Variants in YEATS2 observed in about 807,000 individuals in gnomAD.
YEATS2 encodes YEATS domain containing 2.
In YEATS2, 77 loss-of-function variants were observed where a neutral mutation model predicts 163.2. The observed-to-expected ratio is 0.47, with a 90% confidence interval of 0.39 to 0.57. The LOEUF is 0.57. Among genes scored for constraint, YEATS2 ranks in the 20% least tolerant of loss-of-function variants. YEATS2 has a pLI of 0.00. For synonymous variants in YEATS2, 631 were observed against 645.1 expected (o/e 0.98, Z 0.33); for missense variants, 1,549 against 1,729.8 (o/e 0.90, Z 1.85).
chr3:183,778,956 T>TTA (rs1233427351), intron 19 of YEATS2, among the ~76,000 whole-genome samples: 1 of 152,134 alleles, frequency 6.6e-6, no homozygotes, highest in Non-Finnish European at 1.5e-5. Context: ...TCTTTTCTTT[T>TTA]TATATATATT....
chr3:183,712,994 CT>C (rs1193889814), intron 1 of YEATS2, among the ~76,000 whole-genome samples: 2 of 152,092 alleles, frequency 1.3e-5, no homozygotes, highest in East Asian at 3.9e-4. Flanking sequence ...CCCCTGACCT[CT>C]AATGATCTGC....
At position 183,812,050 on chromosome 3, in the gene YEATS2, A is replaced by G. The variant is rs1178205434; in HGVS notation, c.*1467A>G. The stretch of plus-strand genomic sequence containing the variant: ...GGAGTTCGAGACCAGCCCGACCAAC[A>G]TGGTGAAACCCCGTCTCTACTAAAA... On this transcript the variant is annotated 3_prime_UTR_variant, in exon 31 of 31. Transcript: ENST00000305135. The G allele has an allele frequency of 2.6e-5, 4 of 152,210 alleles. No individual in the cohort carries two copies. Among genetic ancestry groups the G allele is most frequent in the African/African-American group, 4.8e-5 (2 of 41,440 alleles). 9.4% of individuals were successfully genotyped at this position (152,210 alleles called of 1,614,324 possible). A position where few individuals can be genotyped will look rare whatever the true frequency, so the allele number is the denominator to read the frequency against.
Position 183,763,071 on chromosome 3 carries a change from A to AT in YEATS2, c.1947+794dup, listed in dbSNP as rs200262711. On this transcript the variant is annotated intron_variant, in intron 15 of 30. Coordinates refer to ENST00000305135, the MANE Select transcript of YEATS2 (RefSeq NM_018023.5). ...GTCTCAAAAAAATAAAAATTAAAAA[A>AT]TTAAAAAAAAAAATAGCACATAGAG... Among the ~76,000 whole-genome samples, 163 of 72,028 alleles carry AT rather than the reference A, an allele frequency of 2.3e-3. 1 individual carries two copies. The highest frequency in any genetic ancestry group is 0.022 in the East Asian group (14 of 636). The allele number at this position is 72,028 out of a possible 152,430, so 47.3% of individuals were successfully genotyped here.
intron 1 of YEATS2, among the ~76,000 whole-genome samples, chr3:183,703,915 C>A (rs894329070): frequency 3.3e-5 from 5 of 151,940 alleles, no homozygotes; most frequent in African/African-American, 1.2e-4. Context: ...AATCCCAGCA[C>A]TTTGGGAGGC....
At chr3:183,762,675 GA>G (rs904309680) in intron 15 of YEATS2, among the ~76,000 whole-genome samples, 1 of 151,938 alleles carries the variant, frequency 6.6e-6, no homozygotes, top group Non-Finnish European at 1.5e-5. Flanking sequence ...CCTGTTTAAT[GA>G]TTCTTAGCTT....
intron 7 of YEATS2, among the ~76,000 whole-genome samples, chr3:183,730,364 C>A (rs897661217): frequency 2.0e-5 from 3 of 152,080 alleles, no homozygotes; most frequent in Non-Finnish European, 4.4e-5. Context: ...CATGTCCGGC[C>A]CATATTGATT....
chr3:183,800,735 G>A (rs1725593141), intron 24 of YEATS2, among the ~76,000 whole-genome samples, 167 bp downstream of exon 24: 1 of 152,200 alleles, frequency 6.6e-6, no homozygotes, highest in East Asian at 1.9e-4. Flanking sequence ...ACAGCTGAGG[G>A]TCATCATTTT....
intron 5 of YEATS2, 77 bp from the exon 6 acceptor site, chr3:183,724,341 CT>C (rs1293634291): frequency 7.4e-6 from 8 of 1,085,944 alleles, no homozygotes; most frequent in Admixed American, 2.8e-5. Context: ...TCCATTTATA[CT>C]TTTTACAATT....
At chr3:183,757,553 T>TA (rs1220439242) in intron 12 of YEATS2, among the ~76,000 whole-genome samples, 1 of 152,272 alleles carries the variant, frequency 6.6e-6, no homozygotes, top group Admixed American at 6.5e-5. Context: ...GTGCTGGATT[T>TA]ACAGGCGTGA....
chr3:183,804,198 C>T lies in YEATS2; in HGVS notation c.3784+10C>T. On this transcript the variant is annotated intron_variant, in intron 27 of 30. Transcript: ENST00000305135. ...ATCGACAGCGAGCCCGGTAAGCCTT[C>T]AGTGGCACTGCCCAGAGCGCCTGGC... 6.2e-7 allele frequency: 1 copy of T among 1,614,052 alleles called. No individual in the cohort carries two copies. Among genetic ancestry groups the T allele is most frequent in the Non-Finnish European group, 8.5e-7 (1 of 1,179,992 alleles).
At chr3:183,746,188 G>C (rs1719519607) in intron 8 of YEATS2, among the ~76,000 whole-genome samples, 1 of 151,986 alleles carries the variant, frequency 6.6e-6, no homozygotes, top group African/African-American at 2.4e-5. Context: ...TCAGCCTCCT[G>C]AGTAGCTGAG....
intron 2 of YEATS2, among the ~76,000 whole-genome samples, chr3:183,716,148 A>G (rs2109028960): frequency 6.6e-6 from 1 of 152,092 alleles, no homozygotes; most frequent in Non-Finnish European, 1.5e-5. Context: ...TTTAGTAGAG[A>G]CGGGGTTTCA....
chr3:183,716,927 CTG>C (rs1715949987), intron 2 of YEATS2, among the ~76,000 whole-genome samples: 1 of 149,636 alleles, frequency 6.7e-6, no homozygotes, highest in Non-Finnish European at 1.5e-5. Flanking sequence ...TTTTTTCGCT[CTG>C]TCACCCGGGC....
Position 183,800,556 on chromosome 3 carries a change from A to G in YEATS2, c.3416A>G (p.Asn1139Ser), listed in dbSNP as rs528110233. 19 of 1,613,706 alleles carry G rather than the reference A, an allele frequency of 1.2e-5. No individual in the cohort carries two copies. In the East Asian group the frequency reaches 3.6e-4, roughly 30 times the overall value. Residue 1139 changes from asparagine (N) to serine (S), a missense_variant, in exon 24 of 31, where the codon AAC becomes AGC. Transcript: ENST00000305135. ...VKTEESSELGNYVIKIDHLET... is the reference protein window; with the variant it reads ...VKTEESSELGSYVIKIDHLET... ...ACAGAAGAAAGTTCTGAGCTGGGAA[A>G]CTATGTCATTAAGTAATTCTTCCAA...
intron 1 of YEATS2, among the ~76,000 whole-genome samples, chr3:183,713,301 A>G (rs972492797): frequency 1.3e-5 from 2 of 152,144 alleles, no homozygotes; most frequent in African/African-American, 4.8e-5. Context: ...ACGGTGGCTC[A>G]CACCTGTAAT....
At chr3:183,728,885 A>C (rs1265288220) in intron 7 of YEATS2, 34 bp downstream of exon 7, 1 of 1,566,958 alleles carries the variant, frequency 6.4e-7, no homozygotes. Context: ...CCTAAATTGA[A>C]ATGCAGACTT....
chr3:183,721,865 T>C (rs765843432), intron 4 of YEATS2, 26 bp from the exon 5 acceptor site: 51 of 1,607,652 alleles, frequency 3.2e-5, no homozygotes, highest in Non-Finnish European at 4.1e-5. Flanking sequence ...ATTAAAAATT[T>C]ATTTGCTTGC....
chr3:183,795,133 C>T (rs1040379357), intron 21 of YEATS2, among the ~76,000 whole-genome samples: 2 of 147,782 alleles, frequency 1.4e-5, no homozygotes, highest in Non-Finnish European at 3.0e-5. Flanking sequence ...GCTCGCATCA[C>T]TGCACTCCAG....
intron 13 of YEATS2, among the ~76,000 whole-genome samples, chr3:183,760,250 A>G (rs540835573): frequency 7.9e-5 from 12 of 151,692 alleles, no homozygotes; most frequent in Admixed American, 3.9e-4. Context: ...TTCGTTTCCA[A>G]ATTTTGACAG....
Sources: gnomAD v4.1 joint callset for allele counts (sites outside exome capture counted in the v4.1 genomes callset) on GRCh38, gnomAD v4.1.1 for gene constraint, MANE v1.5 for transcripts, NCBI Gene and HGNC (gene_info 2026-07-23, HGNC 2026-07-21) for gene names.